Variants in XG observed in about 807,000 individuals in gnomAD.
The protein encoded by XG is Xg glycoprotein (Xg blood group), also known as glycoprotein Xg.
In XG, 24 loss-of-function variants were observed where a neutral mutation model predicts 25.7. The observed-to-expected ratio is 0.93, with a 90% CI of 0.68 to 1.31. The LOEUF (loss-of-function observed/expected upper bound fraction) is 1.31, where lower values mean the gene tolerates loss of function less well. XG is among the 40% of genes most tolerant of loss of function. The probability of loss-of-function intolerance (pLI) is 0.00; values close to 1 mark genes in which losing one functional copy is unlikely to be tolerated. For missense variants in XG, 181 were observed against 187.6 expected, an observed-to-expected ratio of 0.96 and a Z score of 0.21; for synonymous variants, 77 against 69.2, an observed-to-expected ratio of 1.11 and a Z score of -0.56.
At chrX:2,752,406 T>G in intron 1 of XG, 71 bp downstream of exon 1, 1 of 1,608,044 alleles carries the variant, frequency 6.2e-7, no homozygotes, top group African/African-American at 1.3e-5. Context: ...TAAGAAACTC[T>G]TTCCAAAGGA....
At position 2,780,729 on chromosome X, in the gene XG, AG is replaced by A. The variant is rs1309530303; in HGVS notation, c.128-1336del. The stretch of plus-strand genomic sequence containing the variant: ...CAAGACTCTGTCTCAAAAAAAAAAA[AG>A]AAGAAGTATATTGGTTCCGTCTGGA... On this transcript the variant is annotated intron_variant, in intron 3 of 10. Coordinates refer to ENST00000644266, the MANE Select transcript of XG (RefSeq NM_001141919.2). Among the ~76,000 whole-genome samples the A allele has an allele frequency of 8.4e-3, 501 of 59,992 alleles. 4 individuals are homozygous for A. Among genetic ancestry groups the A allele is most frequent in the African/African-American group, 0.025 (423 of 16,788 alleles). 39.4% of individuals were successfully genotyped at this position (59,992 alleles called of 152,430 possible). A position where few individuals can be genotyped will look rare whatever the true frequency, so the allele number is the denominator to read the frequency against.
intron 9 of XG, 84 bp from the exon 10 acceptor site, chrX:2,811,252 T>C: frequency 1.3e-6 from 1 of 775,773 alleles, no homozygotes; most frequent in South Asian, 2.6e-5. Flanking sequence ...CCGCAATAAC[T>C]TTTGGACCAA....
intron 3 of XG, 153 bp downstream of exon 3, chrX:2,774,892 G>C (rs2050941578): frequency 1.0e-6 from 1 of 992,922 alleles, no homozygotes. Flanking sequence ...AAAATGTGGT[G>C]ATTAGGGAAA....
chrX:2,799,944 C>T (rs1368758142), intron 7 of XG, among the ~76,000 whole-genome samples: 3 of 111,846 alleles, frequency 2.7e-5, no homozygotes, highest in Non-Finnish European at 5.6e-5. Flanking sequence ...GCCACCAGCT[C>T]GATCCATGTT....
At chrX:2,807,728 T>C (rs2087015771) in intron 8 of XG, among the ~76,000 whole-genome samples, 1 of 112,690 alleles carries the variant, frequency 8.9e-6, no homozygotes, top group African/African-American at 3.2e-5. Flanking sequence ...CATGTGTGTG[T>C]GCACGTGTGT....
At chrX:2,795,137 T>A (rs1042401020) in intron 6 of XG, among the ~76,000 whole-genome samples, 2 of 109,283 alleles carry the variant, frequency 1.8e-5, no homozygotes, top group African/African-American at 6.6e-5. Flanking sequence ...ATATCCTGAC[T>A]TTATATATAT....
In XG at chrX:2,770,600, C is replaced by T. The variant is rs770229749; in HGVS notation, c.103+9C>T. 60 of 1,613,636 alleles carry T rather than the reference C, an allele frequency of 3.7e-5. No homozygotes were observed. The highest frequency in any genetic ancestry group is 1.6e-4 in the South Asian group (15 of 91,068). On this transcript the variant is annotated intron_variant, in intron 2 of 10. Coordinates refer to ENST00000644266, the MANE Select transcript of XG (RefSeq NM_001141919.2). ...TGCCCTTGATGACCCTGGTAAGTGC[C>T]GATATTTCAAGGGGAGCCTTCCCTT...
intron 1 of XG, among the ~76,000 whole-genome samples, chrX:2,766,290 A>G (rs1349067026): frequency 1.3e-5 from 2 of 151,906 alleles, no homozygotes; most frequent in African/African-American, 2.4e-5. Context: ...ACAGGCACGC[A>G]CCACCACGCT....
chrX:2,811,116 T>A (rs201308927), intron 9 of XG, among the ~76,000 whole-genome samples: 1 of 52,002 alleles, frequency 1.9e-5, no homozygotes, highest in East Asian at 9.6e-4. Context: ...TTTTTTTTTC[T>A]TTTTTTTTAA....
In XG at chrX:2,752,122, G is replaced by C; in HGVS notation, c.-153G>C. ...CTGAGCTTGGAGCCCATTTGTTTCT[G>C]GCAGTTCCGCTCATATTTTCCACTT... is the stretch of plus-strand genomic sequence containing the variant. On this transcript the variant is annotated 5_prime_UTR_variant, in exon 1 of 11. Coordinates refer to ENST00000644266, the MANE Select transcript of XG (RefSeq NM_001141919.2). 1 of 1,362,364 alleles carries C rather than the reference G, an allele frequency of 7.3e-7. No individual in the cohort carries two copies. The highest frequency in any genetic ancestry group is 1.0e-6 in the Non-Finnish European group (1 of 996,388). 84.4% of individuals were successfully genotyped at this position (1,362,364 alleles called of 1,614,324 possible).
At chrX:2,783,840 T>C (rs1365887505) in intron 4 of XG, among the ~76,000 whole-genome samples, 1 of 112,262 alleles carries the variant, frequency 8.9e-6, no homozygotes, top group Non-Finnish European at 1.9e-5. Context: ...CTGGGCATGG[T>C]GGCATGCGCC....
Position 2,794,535 on chromosome X carries a change from G to T in XG, c.254G>T (p.Gly85Val), listed in dbSNP as rs1175127935. The T allele has an allele frequency of 8.3e-7, 1 of 1,211,221 alleles. No homozygotes were observed. The highest frequency in any genetic ancestry group is 1.1e-6 in the Non-Finnish European group (1 of 895,200). Residue 85 changes from glycine (G) to valine (V), a missense_variant and splice_region_variant, in exon 6 of 11, where the codon GGT (glycine) becomes GTT (valine). Transcript: ENST00000644266. Reference protein sequence around the residue: ...PQPGNSGNSGGYFNDVDRDDG... With the variant: ...PQPGNSGNSGVYFNDVDRDDG... ...CAATGCCGCGTGCTCTGCCCCACAGGTTACTTCAATGATGTGGACCGTGAT... is the reference window on the plus strand; with the variant it reads ...CAATGCCGCGTGCTCTGCCCCACAGTTTACTTCAATGATGTGGACCGTGAT...
At chrX:2,768,844 G>A (rs1213965988) in intron 1 of XG, among the ~76,000 whole-genome samples, 1 of 152,146 alleles carries the variant, frequency 6.6e-6, no homozygotes, top group African/African-American at 2.4e-5. Flanking sequence ...GATTTGCTGG[G>A]TTGTTCTTAA....
intron 1 of XG, among the ~76,000 whole-genome samples, chrX:2,759,353 A>C (rs1392885977): frequency 6.6e-6 from 1 of 152,152 alleles, no homozygotes; most frequent in African/African-American, 2.4e-5. Context: ...CAGGTTGGAA[A>C]TGTCATGCTC....
Position 2,808,745 on chromosome X carries a change from C to T in XG, c.454+525C>T, listed in dbSNP as rs148249478. Among the ~76,000 whole-genome samples the T allele has an allele frequency of 2.7e-5, 3 of 111,432 alleles. No homozygotes were observed. The East Asian group carries it at 8.5e-4, about 32-fold the overall frequency. ...ATATTCTTAGAGATTTGGGCTGACA[C>T]CTGCTTGAGTTTAAGTTGAGAGTAA... On this transcript the variant is annotated intron_variant, in intron 9 of 10. Transcript: ENST00000644266.
At chrX:2,762,852 G>C (rs2050595283) in intron 1 of XG, among the ~76,000 whole-genome samples, 1 of 152,108 alleles carries the variant, frequency 6.6e-6, no homozygotes, top group South Asian at 2.1e-4. Flanking sequence ...TCCCTAGCAT[G>C]GAAATAAAGG....
chrX:2,781,514 C>A (rs311165), intron 3 of XG, among the ~76,000 whole-genome samples: 57,182 of 110,673 alleles, frequency 0.52, 11,749 homozygotes, highest in African/African-American at 0.77. Flanking sequence ...ACACACATAT[C>A]TCCACATAGC....
intron 3 of XG, among the ~76,000 whole-genome samples, chrX:2,778,087 G>A (rs1386547499): frequency 1.3e-5 from 2 of 152,102 alleles, no homozygotes; most frequent in Non-Finnish European, 2.9e-5. Context: ...CCAAATAGAG[G>A]TTCTTCCCAC....
chrX:2,809,343 T>A (rs1160053807), intron 9 of XG, among the ~76,000 whole-genome samples: 5 of 111,408 alleles, frequency 4.5e-5, no homozygotes, highest in Non-Finnish European at 7.5e-5. Context: ...CCTGCCCCTG[T>A]TGATATGTAG....
Sources: allele counts gnomAD v4.1 joint callset (sites outside exome capture counted in the v4.1 genomes callset), GRCh38; gene constraint gnomAD v4.1.1; transcripts MANE v1.5; gene names NCBI Gene and HGNC (gene_info 2026-07-23, HGNC 2026-07-21).